The following ST8SIA4 variants were observed in gnomAD, a reference collection of about 807,000 sequenced individuals.
ST8SIA4 encodes the protein ST8 alpha-N-acetyl-neuraminide alpha-2,8-sialyltransferase 4, also known as CMP-N-acetylneuraminate-poly-alpha-2,8-sialyltransferase.
Under a neutral mutation model 33.9 loss-of-function variants are expected in ST8SIA4, and 15 were observed. The observed-to-expected ratio is 0.44, with a 90% CI of 0.30 to 0.68. ST8SIA4 has a LOEUF of 0.68. Ranked by LOEUF, ST8SIA4 falls within the 30% of genes least tolerant of loss-of-function variation. ST8SIA4 has a pLI of 0.10. For synonymous variants in ST8SIA4, 171 were observed against 151.2 expected, an observed-to-expected ratio of 1.13 and a Z score of -0.96; for missense variants, 321 against 428.0, an observed-to-expected ratio of 0.75 and a Z score of 2.21.
intron 4 of ST8SIA4, among the ~76,000 whole-genome samples, chr5:100,819,281 T>A (rs970841859): frequency 2.0e-5 from 3 of 152,210 alleles, no homozygotes; most frequent in Non-Finnish European, 4.4e-5. Context: ...CAATGATATA[T>A]TAGCATTTGT....
At chr5:100,818,988 A>C (rs2544917) in intron 4 of ST8SIA4, among the ~76,000 whole-genome samples, 136,360 of 152,176 alleles carry the variant, frequency 0.9, 61,957 homozygotes, top group Middle Eastern at 0.98. Flanking sequence ...CTAGATCTAC[A>C]TATATTATGT....
At chr5:100,882,791 C>A (rs1752453666) in intron 3 of ST8SIA4, among the ~76,000 whole-genome samples, 1 of 152,344 alleles carries the variant, frequency 6.6e-6, no homozygotes, top group African/African-American at 2.4e-5. Context: ...AAGCCCGAAG[C>A]CTTTGCAGCT....
intron 4 of ST8SIA4, among the ~76,000 whole-genome samples, chr5:100,851,661 T>C (rs1405591611): frequency 1.3e-5 from 2 of 151,996 alleles, no homozygotes; most frequent in African/African-American, 4.8e-5. Flanking sequence ...AATATGCTTC[T>C]CTATCTATCT....
intron 1 of ST8SIA4, among the ~76,000 whole-genome samples, chr5:100,902,589 C>T (rs896714225): frequency 1.3e-5 from 2 of 152,178 alleles, no homozygotes; most frequent in Non-Finnish European, 2.9e-5. Flanking sequence ...GTGACTTCTC[C>T]TTTGGCGAGA....
chr5:100,816,022 G>C (rs943139304), intron 4 of ST8SIA4, among the ~76,000 whole-genome samples: 2 of 152,188 alleles, frequency 1.3e-5, no homozygotes, highest in African/African-American at 4.8e-5. Context: ...GACAATTGTG[G>C]TAACGTCGTT....
intron 3 of ST8SIA4, among the ~76,000 whole-genome samples, chr5:100,862,894 G>A (rs1361358714): frequency 6.6e-6 from 1 of 152,190 alleles, no homozygotes; most frequent in African/African-American, 2.4e-5. Context: ...TTAAGCTCAT[G>A]CTCTTAAATA....
At position 100,886,461 on chromosome 5, in the gene ST8SIA4, G is replaced by A; in HGVS notation, c.385C>T (p.Pro129Ser). Reference protein sequence around the residue: ...NISHDLHSLLPEVSPMKNRRF... With the variant: ...NISHDLHSLLSEVSPMKNRRF... Reference sequence around the variant, plus strand: ...CGATTCTTCATTGGTGAAACTTCAGGTAGGAGGCTATGTAGATCATGAGAA... The same window carrying A: ...CGATTCTTCATTGGTGAAACTTCAGATAGGAGGCTATGTAGATCATGAGAA... The change falls in exon 3 of 5, where the codon CCT becomes TCT. Residue 129 changes from proline (P) to serine (S), a missense_variant. By Grantham distance (74) the Pro-to-Ser change is moderately conservative. Transcript: ENST00000231461. 1 of 1,613,948 alleles carries A rather than the reference G, an allele frequency of 6.2e-7. No homozygotes were observed. The highest frequency in any genetic ancestry group is 8.5e-7 in the Non-Finnish European group (1 of 1,179,856).
intron 3 of ST8SIA4, among the ~76,000 whole-genome samples, chr5:100,883,816 A>G (rs539513058): frequency 6.6e-6 from 1 of 152,322 alleles, no homozygotes; most frequent in South Asian, 2.1e-4. Context: ...ACCTCCCGCC[A>G]TAATTCTGAA....
At chr5:100,833,733 T>C (rs1425231787) in intron 4 of ST8SIA4, among the ~76,000 whole-genome samples, 1 of 152,210 alleles carries the variant, frequency 6.6e-6, no homozygotes, top group Non-Finnish European at 1.5e-5. Context: ...TTTCTCTGCC[T>C]GAAACGTATT....
chr5:100,891,595 G>A (rs1752667381), intron 2 of ST8SIA4, among the ~76,000 whole-genome samples: 1 of 151,942 alleles, frequency 6.6e-6, no homozygotes, highest in South Asian at 2.1e-4. Flanking sequence ...ATTTGATGAA[G>A]AGCATTTTTA....
intron 4 of ST8SIA4, among the ~76,000 whole-genome samples, chr5:100,831,343 C>T (rs896323743): frequency 1.3e-5 from 2 of 152,228 alleles, no homozygotes; most frequent in South Asian, 2.1e-4. Context: ...CACAAAAGGA[C>T]TGTATAAAAT....
rs759073691 is a variant in ST8SIA4, at chr5:100,811,531, G to C, written c.*316C>G. On this transcript the variant is annotated 3_prime_UTR_variant, in exon 5 of 5. Transcript: ENST00000231461. ...TGCTTGGTGTTGCTGTGGGCAGCCT[G>C]ACAGTGATGAACATATTTGCTTTGT... 3.9e-5 allele frequency: 8 copies of C among 203,166 alleles called. No individual in the cohort carries two copies. The highest frequency in any genetic ancestry group is 6.0e-5 in the Non-Finnish European group (6 of 99,910). 12.6% of individuals were successfully genotyped at this position (203,166 alleles called of 1,614,324 possible).
chr5:100,872,118 T>C (rs905442407), intron 3 of ST8SIA4, among the ~76,000 whole-genome samples: 31 of 152,186 alleles, frequency 2.0e-4, no homozygotes, highest in African/African-American at 7.5e-4. Flanking sequence ...AATTTATCCA[T>C]TCAATAAATA....
At position 100,828,079 on chromosome 5, in the gene ST8SIA4, C is replaced by T. The variant is rs77374162; in HGVS notation, c.798-15950G>A. Among the ~76,000 whole-genome samples, 753 of 152,274 alleles carry T rather than the reference C, an allele frequency of 4.9e-3. 7 individuals are homozygous for T. Among genetic ancestry groups the T allele is most frequent in the Non-Finnish European group, 6.3e-3 (431 of 68,022 alleles). ...TAATTTACAGTTCTGGGACATCTCA[C>T]TAATCAGAGCAAACCTGCGATTGCA... On this transcript the variant is annotated intron_variant, in intron 4 of 4. Transcript: ENST00000231461.
intron 4 of ST8SIA4, among the ~76,000 whole-genome samples, chr5:100,823,170 C>A (rs886985878): frequency 4.0e-5 from 6 of 150,328 alleles, no homozygotes; most frequent in Non-Finnish European, 7.4e-5. Flanking sequence ...CAAAAAAACC[C>A]CACCAAAACC....
chr5:100,809,249 A>C lies in ST8SIA4; in HGVS notation c.*2598T>G, dbSNP rs1750761572. On this transcript the variant is annotated 3_prime_UTR_variant, in exon 5 of 5. Coordinates refer to ENST00000231461, the MANE Select transcript of ST8SIA4 (RefSeq NM_005668.6). ...TGGATAACCTGAGGTCAGGAAGTTC[A>C]AGACCAGCCTGGCCAACATGGTGAA... 6.6e-6 allele frequency: 1 copy of C among 152,148 alleles called. No individual in the cohort carries two copies. Among genetic ancestry groups the C allele is most frequent in the African/African-American group, 2.4e-5 (1 of 41,406 alleles). 9.4% of individuals were successfully genotyped at this position (152,148 alleles called of 1,614,324 possible).
chr5:100,815,791 G>A (rs184238627), intron 4 of ST8SIA4, among the ~76,000 whole-genome samples: 97 of 152,210 alleles, frequency 6.4e-4, no homozygotes, highest in African/African-American at 2.3e-3. Context: ...ATGTTTATAA[G>A]TACTTGAGAA....
intron 4 of ST8SIA4, among the ~76,000 whole-genome samples, chr5:100,850,810 G>A (rs80069320): frequency 2.2e-4 from 34 of 151,318 alleles, no homozygotes; most frequent in Middle Eastern, 3.5e-3. Context: ...ACATGTGTGT[G>A]TATATATATG....
At chr5:100,898,222 G>A (rs1356019471) in intron 1 of ST8SIA4, among the ~76,000 whole-genome samples, 1 of 152,184 alleles carries the variant, frequency 6.6e-6, no homozygotes, top group African/African-American at 2.4e-5. Flanking sequence ...TACTCAGGAG[G>A]CTGAGGTGGG....
Sources: gnomAD v4.1 joint callset for allele counts (sites outside exome capture counted in the v4.1 genomes callset) on GRCh38, gnomAD v4.1.1 for gene constraint, MANE v1.5 for transcripts, NCBI Gene and HGNC (gene_info 2026-07-23, HGNC 2026-07-21) for gene names.